PARD3B: variants seen among roughly 807,000 people sequenced by gnomAD.
The protein encoded by PARD3B is partitioning defective 3 homolog B.
PARD3B carries 103 observed loss-of-function variants against 130.2 expected under a neutral mutation model. The observed-to-expected ratio is 0.79, with a 90% confidence interval of 0.67 to 0.93. PARD3B has a LOEUF of 0.93. PARD3B is among the 40% of genes least tolerant of loss of function. The probability of loss-of-function intolerance (pLI) is 0.00; values close to 1 mark genes in which losing one functional copy is unlikely to be tolerated. For synonymous variants in PARD3B, 583 were observed against 553.2 expected (o/e 1.05, Z -0.76); for missense variants, 1,609 against 1,499.2 (o/e 1.07, Z -1.21).
In PARD3B at chr2:205,400,504, G is replaced by T. The variant is rs2046210795; in HGVS notation, c.2631-509G>T. 2.6e-5 allele frequency among the ~76,000 whole-genome samples: 4 copies of T among 152,100 alleles called. No individual in the cohort carries two copies. The South Asian group carries it at 8.3e-4, about 32-fold the overall frequency. On this transcript the variant is annotated intron_variant, in intron 18 of 22. Transcript: ENST00000406610. ...AAAAATACAAAAATTAGCTGGGCAT[G>T]GTGGTGTGAACCTGTAATCCCAGCT...
chr2:205,053,543 G>C (rs1699381363), intron 4 of PARD3B, among the ~76,000 whole-genome samples: 1 of 151,868 alleles, frequency 6.6e-6, no homozygotes, highest in Non-Finnish European at 1.5e-5. Flanking sequence ...GAGAGGCTGA[G>C]GCAGGACAAT....
chr2:205,439,134 T>A (rs1037171765), intron 19 of PARD3B, among the ~76,000 whole-genome samples: 1 of 152,186 alleles, frequency 6.6e-6, no homozygotes, highest in African/African-American at 2.4e-5. Context: ...CTAGCTTCCA[T>A]GTGCAAAACA....
intron 3 of PARD3B, among the ~76,000 whole-genome samples, chr2:205,033,544 A>G (rs955982419): frequency 3.9e-5 from 6 of 152,124 alleles, no homozygotes; most frequent in African/African-American, 7.2e-5. Flanking sequence ...GTGCATGCCT[A>G]TATTCTGGCT....
At chr2:204,597,092 C>T (rs1410869707) in intron 1 of PARD3B, among the ~76,000 whole-genome samples, 1 of 152,132 alleles carries the variant, frequency 6.6e-6, no homozygotes, top group Non-Finnish European at 1.5e-5. Flanking sequence ...ATCAAGCTGG[C>T]TGCAGAATTG....
intron 3 of PARD3B, among the ~76,000 whole-genome samples, chr2:204,970,334 A>G (rs1486067024): frequency 3.3e-5 from 5 of 152,228 alleles, no homozygotes; most frequent in African/African-American, 1.2e-4. Context: ...TCTCTATCAG[A>G]ACCAACTTTT....
intron 4 of PARD3B, among the ~76,000 whole-genome samples, chr2:205,075,797 A>ATGG (rs1701020750): frequency 6.6e-6 from 1 of 151,914 alleles, no homozygotes; most frequent in Non-Finnish European, 1.5e-5. Flanking sequence ...AACTTTTTTC[A>ATGG]TAAACACATA....
At chr2:205,318,965 C>T (rs886846283) in intron 18 of PARD3B, among the ~76,000 whole-genome samples, 1 of 152,144 alleles carries the variant, frequency 6.6e-6, no homozygotes, top group Non-Finnish European at 1.5e-5. Context: ...ACAAGAACCA[C>T]ATCTTACCAT....
At chr2:205,182,522 A>G (rs1380947596) in intron 13 of PARD3B, among the ~76,000 whole-genome samples, 1 of 152,194 alleles carries the variant, frequency 6.6e-6, no homozygotes, top group Non-Finnish European at 1.5e-5. Context: ...TGGAAAAACG[A>G]GAAAGAGGAA....
chr2:205,517,555 C>T (rs1479368951), intron 21 of PARD3B, among the ~76,000 whole-genome samples: 1 of 151,848 alleles, frequency 6.6e-6, no homozygotes, highest in Non-Finnish European at 1.5e-5. Flanking sequence ...GATCTTGTGA[C>T]TGGTTTTTCA....
rs1225438410 is a variant in PARD3B at position 205,121,096 on chromosome 2, A to C, written c.807-495A>C. ...TCTCCATGAGCAAACATGGATGTCA[A>C]ACTTGAACTTGTGTAACACAACCCA... On this transcript the variant is annotated intron_variant, in intron 7 of 22. Transcript: ENST00000406610. The surrounding 1 kb of genome is among the most constrained non-coding windows in gnomAD (Gnocchi z 5.0). 1.3e-5 allele frequency among the ~76,000 whole-genome samples: 2 copies of C among 152,244 alleles called. No individual in the cohort carries two copies. Among genetic ancestry groups the C allele is most frequent in the Non-Finnish European group, 2.9e-5 (2 of 68,044 alleles).
intron 3 of PARD3B, among the ~76,000 whole-genome samples, chr2:205,019,053 T>C (rs540594458): frequency 1.3e-5 from 2 of 152,270 alleles, no homozygotes; most frequent in South Asian, 2.1e-4. Flanking sequence ...ATGTACATAG[T>C]TTTGCAGCCA....
chr2:205,207,190 C>G (rs1385782433), intron 15 of PARD3B, among the ~76,000 whole-genome samples: 2 of 138,604 alleles, frequency 1.4e-5, no homozygotes, highest in Non-Finnish European at 1.5e-5. Context: ...ACACAACATA[C>G]CAGAATCTCT....
In PARD3B at chr2:205,280,965, A is replaced by G. The variant is rs1476270279; in HGVS notation, c.2186-19565A>G. On this transcript the variant is annotated intron_variant, in intron 16 of 22. Transcript: ENST00000406610. The surrounding 1 kb of genome is among the most constrained non-coding windows in gnomAD (Gnocchi z 4.7). ...GTTTAACCTGACCTCTTCCAGATCC[A>G]GTATTTTAAAAGCCATAAATTTTAA... Among the ~76,000 whole-genome samples the G allele has an allele frequency of 2.6e-5, 4 of 152,340 alleles. No individual in the cohort carries two copies. Among genetic ancestry groups the G allele is most frequent in the South Asian group, 4.1e-4 (2 of 4,822 alleles).
At chr2:205,485,011 G>A (rs920005581) in intron 20 of PARD3B, among the ~76,000 whole-genome samples, 7 of 152,154 alleles carry the variant, frequency 4.6e-5, no homozygotes, top group African/African-American at 1.7e-4. Flanking sequence ...TTCAGATCAA[G>A]AAGACAGCTG....
chr2:205,581,685 C>T (rs1167965436), intron 22 of PARD3B, among the ~76,000 whole-genome samples: 1 of 151,668 alleles, frequency 6.6e-6, no homozygotes, highest in African/African-American at 2.4e-5. Context: ...GATCATTACA[C>T]ATTGTATGTC....
intron 14 of PARD3B, among the ~76,000 whole-genome samples, chr2:205,190,727 G>A (rs2036349416): frequency 1.3e-5 from 2 of 152,102 alleles, no homozygotes; most frequent in African/African-American, 4.8e-5. Context: ...TTCTATGAAG[G>A]CCATGAGTCT....
chr2:205,017,521 G>A (rs139143291), intron 3 of PARD3B, among the ~76,000 whole-genome samples: 34 of 151,938 alleles, frequency 2.2e-4, no homozygotes, highest in Admixed American at 7.2e-4. Flanking sequence ...TGAGGTCATC[G>A]TATCAAAGCC....
intron 7 of PARD3B, among the ~76,000 whole-genome samples, chr2:205,120,480 G>T (rs936838972): frequency 2.0e-5 from 3 of 152,128 alleles, no homozygotes; most frequent in African/African-American, 7.2e-5. Context: ...ATTGCAGTTG[G>T]GATTATGATT....
intron 3 of PARD3B, among the ~76,000 whole-genome samples, chr2:205,029,250 T>C (rs543611951): frequency 1.6e-4 from 25 of 152,280 alleles, no homozygotes; most frequent in African/African-American, 4.8e-4. Flanking sequence ...TTAGAGCCTT[T>C]CTCCACTATT....
Sources: gnomAD v4.1 joint callset for allele counts (sites outside exome capture counted in the v4.1 genomes callset) on GRCh38, gnomAD v4.1.1 for gene constraint, Gnocchi (gnomAD v3.1) non-coding constraint, MANE v1.5 for transcripts, NCBI Gene and HGNC (gene_info 2026-07-23, HGNC 2026-07-21) for gene names.